KLF15: variants seen among roughly 807,000 people sequenced by gnomAD.
KLF15 encodes KLF transcription factor 15.
KLF15 carries 4 observed loss-of-function variants against 24.6 expected under a neutral mutation model. The ratio of observed to expected loss-of-function variants is 0.16; its 90% CI spans 0.08 to 0.37. KLF15 has a LOEUF of 0.37. Ranked by LOEUF, KLF15 falls within the 10% of genes least tolerant of loss-of-function variation. The pLI is 1.00. For missense variants in KLF15, 496 were observed against 560.6 expected (o/e 0.88, Z 1.16); for synonymous variants, 246 against 236.3 (o/e 1.04, Z -0.37).
At chr3:126,288,555 A>C in the KLF15 span, 1 of 152,446 alleles carries the variant, frequency 6.6e-6, no homozygotes, top group South Asian at 2.1e-4. Context: ...AGCCACGCCC[A>C]ACGCCCTGTA....
chr3:126,307,743 G>A, the KLF15 span, among the ~76,000 whole-genome samples: 1 of 152,196 alleles, frequency 6.6e-6, no homozygotes, highest in African/African-American at 2.4e-5. Context: ...CTGCTGCATG[G>A]TGACTATCCA....
downstream of KLF15, among the ~76,000 whole-genome samples, chr3:126,342,275 G>A (rs1262011645): frequency 6.6e-6 from 1 of 152,196 alleles, no homozygotes; most frequent in Non-Finnish European, 1.5e-5. Context: ...AGGTTTGGTG[G>A]ACTGGATGGG....
At chr3:126,354,951 G>A (rs367787152) in intron 1 of KLF15, among the ~76,000 whole-genome samples, 1 of 152,234 alleles carries the variant, frequency 6.6e-6, no homozygotes, top group Non-Finnish European at 1.5e-5. Flanking sequence ...TCCGTGAGCT[G>A]ACGCTCACTA....
At chr3:126,335,681 T>C in the KLF15 span, among the ~76,000 whole-genome samples, 4 of 141,880 alleles carry the variant, frequency 2.8e-5, no homozygotes, top group Non-Finnish European at 6.1e-5. Flanking sequence ...AACCCCATCG[T>C]CTCAGCCCAA....
At chr3:126,294,691 A>G in the KLF15 span, among the ~76,000 whole-genome samples, 1 of 152,120 alleles carries the variant, frequency 6.6e-6, no homozygotes, top group African/African-American at 2.4e-5. Context: ...TGAGGTCAGC[A>G]GCTCAAGAAC....
At position 126,352,278 on chromosome 3, in the gene KLF15, G is replaced by A. The variant is rs1265494623; in HGVS notation, c.645C>T (p.Gly215=). 3 of 1,540,754 alleles carry A rather than the reference G, an allele frequency of 1.9e-6. No individual in the cohort carries two copies. Among genetic ancestry groups the A allele is most frequent in the Non-Finnish European group, 2.6e-6 (3 of 1,146,910 alleles). The part of the protein sequence containing the change: ...QGPGGGPTPD[G]PIPVLLQIQP... ...GGATCTGCAGCAACACTGGGATGGG[G>A]CCATCAGGCGTGGGGCCCCCACCTG... is the stretch of plus-strand genomic sequence containing the variant. The change falls in exon 2 of 3, where the codon GGC becomes GGT. Residue 215 remains glycine, a synonymous_variant. Coordinates refer to ENST00000296233, the MANE Select transcript of KLF15 (RefSeq NM_014079.4).
At position 126,342,730 on chromosome 3, in the gene KLF15, T is replaced by C. The variant is rs1332001848; in HGVS notation, c.*997A>G. 9 of 152,602 alleles carry C rather than the reference T, an allele frequency of 5.9e-5. No homozygotes were observed. Among genetic ancestry groups the C allele is most frequent in the Non-Finnish European group, 1.0e-4 (7 of 68,038 alleles). The allele number at this position is 152,602 out of a possible 1,614,324, so 9.5% of individuals were successfully genotyped here. The stretch of plus-strand genomic sequence containing the variant: ...TTGTAACATATGTACACCAGCTTCA[T>C]AGATTTTTTTAAATTTCAAATTTAC... On this transcript the variant is annotated 3_prime_UTR_variant, in exon 3 of 3. Transcript: ENST00000296233.
rs1437929584 is a variant in KLF15 at position 126,357,254 on chromosome 3, C to A, written c.-43G>T. 11 of 148,894 alleles carry A rather than the reference C, an allele frequency of 7.4e-5. No individual in the cohort carries two copies. Among genetic ancestry groups the A allele is most frequent in the East Asian group, 3.9e-4 (2 of 5,070 alleles). 9.2% of individuals were successfully genotyped at this position (148,894 alleles called of 1,614,324 possible). ...TCTCCCACCTGAACTTGGCGCACGCCGGACCGGCGGCCAGGCCCCGGCGGT... is the reference window on the plus strand; with the variant it reads ...TCTCCCACCTGAACTTGGCGCACGCAGGACCGGCGGCCAGGCCCCGGCGGT... On this transcript the variant is annotated 5_prime_UTR_variant, in exon 1 of 3. Coordinates refer to ENST00000296233, the MANE Select transcript of KLF15 (RefSeq NM_014079.4).
chr3:126,348,360 T>C (rs2082553973), intron 2 of KLF15, among the ~76,000 whole-genome samples: 1 of 152,154 alleles, frequency 6.6e-6, no homozygotes, highest in Admixed American at 6.5e-5. Flanking sequence ...ATTGTGGTCG[T>C]TAGCTCTTTT....
intron 1 of KLF15, 104 bp from the exon 2 acceptor site, chr3:126,353,051 T>G (rs1293880265): frequency 7.6e-7 from 1 of 1,310,926 alleles, no homozygotes; most frequent in African/African-American, 1.5e-5. Flanking sequence ...AGCCTCCTAT[T>G]GCCAAACGCC....
the KLF15 span, among the ~76,000 whole-genome samples, chr3:126,290,336 A>T: frequency 6.6e-6 from 1 of 152,230 alleles, no homozygotes; most frequent in East Asian, 1.9e-4. Context: ...GCCCAGCTCC[A>T]GGGCTGCACC....
the KLF15 span, among the ~76,000 whole-genome samples, chr3:126,312,386 G>A: frequency 1.1e-4 from 17 of 152,200 alleles, no homozygotes; most frequent in African/African-American, 4.1e-4. Context: ...TGTTGCCCAA[G>A]CTAGTCTCAA....
the KLF15 span, among the ~76,000 whole-genome samples, chr3:126,334,109 C>A: frequency 6.6e-6 from 1 of 151,996 alleles, no homozygotes; most frequent in African/African-American, 2.4e-5. Context: ...CCCAAATCAA[C>A]ACAATATACA....
chr3:126,326,757 C>T, the KLF15 span, among the ~76,000 whole-genome samples: 1 of 151,922 alleles, frequency 6.6e-6, no homozygotes, highest in Non-Finnish European at 1.5e-5. Context: ...GTTGTATTTA[C>T]CTCAAAAATT....
downstream of KLF15, among the ~76,000 whole-genome samples, chr3:126,341,773 C>T (rs895895289): frequency 4.6e-5 from 7 of 152,208 alleles, no homozygotes; most frequent in Middle Eastern, 3.4e-3. Context: ...AGGTTTTCAC[C>T]GAGAAACACT....
At chr3:126,292,567 G>A in the KLF15 span, among the ~76,000 whole-genome samples, 2 of 152,182 alleles carry the variant, frequency 1.3e-5, no homozygotes, top group African/African-American at 4.8e-5. Context: ...CTCACGGATG[G>A]GCATTAGAAG....
the KLF15 span, among the ~76,000 whole-genome samples, chr3:126,310,599 G>A: frequency 1.3e-5 from 2 of 152,150 alleles, no homozygotes; most frequent in Non-Finnish European, 2.9e-5. Flanking sequence ...AAGTCCAAGA[G>A]CAAGATGCCG....
In KLF15 at chr3:126,352,972, C is replaced by T. The variant is rs554223433; in HGVS notation, c.-25-25G>A. 843 of 1,557,382 alleles carry T rather than the reference C, an allele frequency of 5.4e-4. 13 individuals are homozygous for T. In the South Asian group the frequency reaches 0.01, roughly 19 times the overall value. On this transcript the variant is annotated intron_variant, in intron 1 of 2. Coordinates refer to ENST00000296233, the MANE Select transcript of KLF15 (RefSeq NM_014079.4). ...GCTGCAGGAAAGGAACACAGGAGGCCTGGTCAGAAGGACAGTGCTCACCTG... is the reference window on the plus strand; with the variant it reads ...GCTGCAGGAAAGGAACACAGGAGGCTTGGTCAGAAGGACAGTGCTCACCTG...
the KLF15 span, chr3:126,293,894 T>G: frequency 1.3e-5 from 2 of 152,042 alleles, no homozygotes; most frequent in Non-Finnish European, 2.9e-5. Flanking sequence ...TGAATCAGAG[T>G]GCGATTATGA....
Sources: gnomAD v4.1 joint callset for allele counts (sites outside exome capture counted in the v4.1 genomes callset) on GRCh38, gnomAD v4.1.1 for gene constraint, MANE v1.5 for transcripts, NCBI Gene and HGNC (gene_info 2026-07-23, HGNC 2026-07-21) for gene names.